The following HPSE2 variants were observed in gnomAD, a reference collection of about 807,000 sequenced individuals.
HPSE2 encodes the protein inactive heparanase-2.
Under a neutral mutation model 60.5 loss-of-function variants are expected in HPSE2, and 38 were observed. The observed-to-expected ratio is 0.63, with a 90% CI of 0.48 to 0.82. HPSE2 has a LOEUF of 0.82. HPSE2 is among the 40% of genes least tolerant of loss of function. The pLI, the probability that HPSE2 is intolerant of heterozygous loss-of-function variation, is 0.00. For synonymous variants in HPSE2, 295 were observed against 293.2 expected, an observed-to-expected ratio of 1.01 and a Z score of -0.06; for missense variants, 713 against 740.4, an observed-to-expected ratio of 0.96 and a Z score of 0.43.
At chr10:98,494,666 A>G (rs1399060984) in intron 9 of HPSE2, among the ~76,000 whole-genome samples, 1 of 152,232 alleles carries the variant, frequency 6.6e-6, no homozygotes, top group Non-Finnish European at 1.5e-5. Context: ...AGGAACTTCT[A>G]TTTCTCTTTT....
the HPSE2 span, among the ~76,000 whole-genome samples, chr10:99,312,122 A>G: frequency 6.6e-6 from 1 of 152,250 alleles, no homozygotes. Context: ...AAAAAAAGCC[A>G]TCTCCATAAC....
chr10:99,231,223 G>C (rs746830431), intron 2 of HPSE2, among the ~76,000 whole-genome samples: 2 of 152,022 alleles, frequency 1.3e-5, no homozygotes, highest in African/African-American at 2.4e-5. Flanking sequence ...TTCAATGAAG[G>C]CCCAAGAAAA....
intron 3 of HPSE2, among the ~76,000 whole-genome samples, chr10:98,943,819 G>A (rs947781763): frequency 6.6e-6 from 1 of 152,074 alleles, no homozygotes; most frequent in African/African-American, 2.4e-5. Context: ...TCCCCAAATT[G>A]AGCCTTCGGA....
intron 3 of HPSE2, among the ~76,000 whole-genome samples, chr10:98,844,642 T>C (rs1951994315): frequency 6.6e-6 from 1 of 152,220 alleles, no homozygotes; most frequent in Non-Finnish European, 1.5e-5. Flanking sequence ...ATCAGCCATA[T>C]GGCCTTAGGA....
At chr10:98,948,665 T>G (rs1250103144) in intron 3 of HPSE2, among the ~76,000 whole-genome samples, 1 of 152,076 alleles carries the variant, frequency 6.6e-6, no homozygotes, top group African/African-American at 2.4e-5. Flanking sequence ...TGATGGTATT[T>G]CTATAAAGTT....
intron 3 of HPSE2, among the ~76,000 whole-genome samples, chr10:99,102,916 G>T (rs545728494): frequency 9.9e-5 from 15 of 152,210 alleles, no homozygotes; most frequent in East Asian, 7.7e-4. Flanking sequence ...GAAAAGGCCT[G>T]TGACAAAATT....
chr10:98,835,274 A>C (rs1951766072), intron 3 of HPSE2, among the ~76,000 whole-genome samples: 1 of 152,210 alleles, frequency 6.6e-6, no homozygotes, highest in Non-Finnish European at 1.5e-5. Flanking sequence ...TTACAGGTCA[A>C]ATGCCCTGAA....
chr10:99,013,125 A>T (rs536523718), intron 3 of HPSE2: 2 of 666,726 alleles, frequency 3.0e-6, no homozygotes, highest in African/African-American at 3.6e-5. Flanking sequence ...TCGTGACATT[A>T]ACCATTCAAG....
intron 9 of HPSE2, among the ~76,000 whole-genome samples, chr10:98,555,325 G>A (rs1943973959): frequency 6.6e-6 from 1 of 152,148 alleles, no homozygotes; most frequent in South Asian, 2.1e-4. Flanking sequence ...CCTCCCCTCT[G>A]AGCGAGGTGC....
chr10:98,940,480 T>C (rs1239822331), intron 3 of HPSE2, among the ~76,000 whole-genome samples: 2 of 143,956 alleles, frequency 1.4e-5, no homozygotes, highest in Non-Finnish European at 3.0e-5. Context: ...CTAGAAAATC[T>C]AGAAGAAATG....
chr10:98,583,037 C>G (rs10786444), intron 9 of HPSE2, among the ~76,000 whole-genome samples: 87,260 of 151,924 alleles, frequency 0.57, 25,292 homozygotes, highest in Middle Eastern at 0.64. Flanking sequence ...ACTAGGGGGG[C>G]ATAGGGAAGC....
chr10:98,567,498 G>A (rs1944379683), intron 9 of HPSE2, among the ~76,000 whole-genome samples: 1 of 152,124 alleles, frequency 6.6e-6, no homozygotes. Flanking sequence ...TTTTGTGGTT[G>A]GCTTTTGGAA....
At position 98,525,314 on chromosome 10, in the gene HPSE2, C is replaced by T. The variant is rs933938477; in HGVS notation, c.1321-35118G>A. Among the ~76,000 whole-genome samples, 9 of 152,300 alleles carry T rather than the reference C, an allele frequency of 5.9e-5. No homozygotes were observed. In the East Asian group the frequency reaches 1.2e-3, roughly 20 times the overall value. ...GCATGAGCCACTGCGCTGGGCCTAA[C>T]GGCACTTTTAAAATGTAGAGGTCCC... is the stretch of plus-strand genomic sequence containing the variant. On this transcript the variant is annotated intron_variant, in intron 9 of 11. Coordinates refer to ENST00000370552, the MANE Select transcript of HPSE2 (RefSeq NM_021828.5).
chr10:98,919,750 T>G (rs1954227947), intron 3 of HPSE2, among the ~76,000 whole-genome samples: 1 of 152,028 alleles, frequency 6.6e-6, no homozygotes, highest in South Asian at 2.1e-4. Context: ...TTTAACAAAT[T>G]CCAGAAAAAA....
At chr10:98,735,407 G>T (rs895500228) in intron 4 of HPSE2, among the ~76,000 whole-genome samples, 3 of 150,766 alleles carry the variant, frequency 2.0e-5, no homozygotes, top group African/African-American at 7.3e-5. Flanking sequence ...TGCTACAGGG[G>T]TGAAGCCCTC....
At chr10:99,186,467 C>T (rs970502095) in intron 2 of HPSE2, among the ~76,000 whole-genome samples, 13 of 131,008 alleles carry the variant, frequency 9.9e-5, no homozygotes, top group East Asian at 2.6e-4. Flanking sequence ...CGTTTGAACC[C>T]GAGAGGCGGA....
intron 10 of HPSE2, 38 bp from the exon 11 acceptor site, chr10:98,482,820 C>T: frequency 6.2e-7 from 1 of 1,609,482 alleles, no homozygotes. Context: ...AAGATGGAAA[C>T]AAAGTGGTCA....
intron 3 of HPSE2, among the ~76,000 whole-genome samples, chr10:98,829,450 G>A (rs1349049160): frequency 6.6e-6 from 1 of 151,946 alleles, no homozygotes; most frequent in African/African-American, 2.4e-5. Flanking sequence ...GAACCCAGGA[G>A]GTGGAGGTTG....
At chr10:98,666,116 AAGAAC>A (rs1379802078) in intron 6 of HPSE2, among the ~76,000 whole-genome samples, 1 of 152,210 alleles carries the variant, frequency 6.6e-6, no homozygotes. Context: ...GAAAGCAAAA[AAGAAC>A]AGGAGTAGCT....
Sources: allele counts gnomAD v4.1 joint callset (sites outside exome capture counted in the v4.1 genomes callset), GRCh38; gene constraint gnomAD v4.1.1; transcripts MANE v1.5; gene names NCBI Gene and HGNC (gene_info 2026-07-23, HGNC 2026-07-21).